Variants in SORCS3 observed in about 807,000 individuals in gnomAD.
SORCS3 encodes the protein VPS10 domain-containing receptor SorCS3.
Under a neutral mutation model 146.3 loss-of-function variants are expected in SORCS3, and 57 were observed. The observed-to-expected ratio is 0.39, with a 90% CI of 0.31 to 0.49. The LOEUF is 0.49. Among genes scored for constraint, SORCS3 ranks in the 20% least tolerant of loss-of-function variants. SORCS3 has a pLI of 0.92. For synonymous variants in SORCS3, 653 were observed against 618.5 expected (o/e 1.06, Z -0.83); for missense variants, 1,341 against 1,575.5 (o/e 0.85, Z 2.52).
At chr10:105,187,784 A>G (rs971955199) in intron 14 of SORCS3, among the ~76,000 whole-genome samples, 1 of 152,208 alleles carries the variant, frequency 6.6e-6, no homozygotes, top group African/African-American at 2.4e-5. Context: ...ATAGCTTACT[A>G]CAAGGCAGGC....
chr10:104,766,428 G>C (rs1437270271), intron 1 of SORCS3, among the ~76,000 whole-genome samples: 3 of 152,230 alleles, frequency 2.0e-5, no homozygotes, highest in Non-Finnish European at 2.9e-5. Flanking sequence ...CTCTGTCCAG[G>C]CACATTGCAT....
At chr10:104,680,497 A>AATTC (rs2015958459) in intron 1 of SORCS3, among the ~76,000 whole-genome samples, 1 of 152,228 alleles carries the variant, frequency 6.6e-6, no homozygotes, top group African/African-American at 2.4e-5. Context: ...GTGGACTCTG[A>AATTC]AGTCAGGCTG....
intron 13 of SORCS3, among the ~76,000 whole-genome samples, chr10:105,176,063 C>T (rs2056399391): frequency 6.6e-6 from 1 of 152,122 alleles, no homozygotes; most frequent in South Asian, 2.1e-4. Context: ...TCACACCCAA[C>T]TTATGAGTGC....
At chr10:104,903,639 A>G (rs934081164) in intron 2 of SORCS3, among the ~76,000 whole-genome samples, 7 of 152,214 alleles carry the variant, frequency 4.6e-5, no homozygotes, top group African/African-American at 1.7e-4. Context: ...AGCAGTTCTC[A>G]AAGTATGACT....
At chr10:105,153,634 A>AGTGTGTGT (rs1239631670) in intron 9 of SORCS3, among the ~76,000 whole-genome samples, 2 of 129,714 alleles carry the variant, frequency 1.5e-5, no homozygotes. Flanking sequence ...AGAGAGAGAG[A>AGTGTGTGT]GTGTGTGTGT....
intron 2 of SORCS3, among the ~76,000 whole-genome samples, chr10:104,901,070 C>T (rs956857624): frequency 5.9e-5 from 9 of 152,082 alleles, no homozygotes; most frequent in African/African-American, 2.2e-4. Context: ...TGAAGTCTTC[C>T]TTCCTTTACT....
At position 104,790,259 on chromosome 10, in the gene SORCS3, A is replaced by G. The variant is rs528697678; in HGVS notation, c.628-52533A>G. On this transcript the variant is annotated intron_variant, in intron 1 of 26. Transcript: ENST00000369701. ...GAAGCGCATTAACTTAGGGCAGACAAAAAGAAAGGAAGAACATTAACAAAC... is the reference window on the plus strand; with the variant it reads ...GAAGCGCATTAACTTAGGGCAGACAGAAAGAAAGGAAGAACATTAACAAAC... Among the ~76,000 whole-genome samples the G allele has an allele frequency of 9.4e-4, 143 of 152,364 alleles. 1 individual carries two copies. Among genetic ancestry groups the G allele is most frequent in the African/African-American group, 3.2e-3 (131 of 41,580 alleles).
intron 1 of SORCS3, among the ~76,000 whole-genome samples, chr10:104,673,446 G>GTA (rs1412462162): frequency 6.6e-6 from 1 of 151,452 alleles, no homozygotes; most frequent in Non-Finnish European, 1.5e-5. Flanking sequence ...GTGTGTGTGT[G>GTA]TATTTTTTGA....
At chr10:104,835,192 C>T (rs931292771) in intron 1 of SORCS3, among the ~76,000 whole-genome samples, 1 of 152,050 alleles carries the variant, frequency 6.6e-6, no homozygotes, top group African/African-American at 2.4e-5. Flanking sequence ...CTACTCCCTG[C>T]AGGGGAGGCT....
At chr10:104,914,062 C>T (rs1415247503) in intron 2 of SORCS3, among the ~76,000 whole-genome samples, 1 of 152,100 alleles carries the variant, frequency 6.6e-6, no homozygotes, top group African/African-American at 2.4e-5. Flanking sequence ...CGTCACCACA[C>T]CCGGAATCTT....
intron 5 of SORCS3, among the ~76,000 whole-genome samples, chr10:105,072,341 G>A (rs776192399): frequency 5.9e-5 from 9 of 152,080 alleles, no homozygotes; most frequent in Non-Finnish European, 1.0e-4. Context: ...ATGAAAAAGC[G>A]CCTATTAAGT....
chr10:104,974,870 A>C (rs916156548), intron 3 of SORCS3, among the ~76,000 whole-genome samples: 1 of 151,952 alleles, frequency 6.6e-6, no homozygotes, highest in African/African-American at 2.4e-5. Flanking sequence ...TTCCTTCAGG[A>C]GCTCTTTTAG....
At chr10:104,671,294 C>G (rs897971127) in intron 1 of SORCS3, among the ~76,000 whole-genome samples, 2 of 106,868 alleles carry the variant, frequency 1.9e-5, no homozygotes, top group Non-Finnish European at 4.0e-5. Context: ...TTATATGGCT[C>G]CTATTATGTT....
intron 1 of SORCS3, among the ~76,000 whole-genome samples, chr10:104,728,794 A>G (rs1404863410): frequency 6.6e-6 from 1 of 152,190 alleles, no homozygotes; most frequent in Non-Finnish European, 1.5e-5. Context: ...TCAGCAAATG[A>G]TGGTGGAAGT....
At chr10:104,951,954 A>G (rs1030619645) in intron 3 of SORCS3, among the ~76,000 whole-genome samples, 4 of 151,976 alleles carry the variant, frequency 2.6e-5, no homozygotes, top group African/African-American at 7.2e-5. Context: ...GAACCCACCA[A>G]TAGATACCAT....
intron 4 of SORCS3, among the ~76,000 whole-genome samples, chr10:105,000,457 T>TG (rs923461567): frequency 2.0e-5 from 3 of 152,038 alleles, no homozygotes; most frequent in African/African-American, 7.2e-5. Flanking sequence ...CCACCGGTGG[T>TG]GGTGGTAGTG....
chr10:105,055,020 A>T (rs1296923218), intron 5 of SORCS3, among the ~76,000 whole-genome samples: 6 of 152,218 alleles, frequency 3.9e-5, no homozygotes, highest in Non-Finnish European at 1.5e-5. Flanking sequence ...CTATACATTC[A>T]TTTGAAAATA....
At chr10:104,937,619 T>G (rs186224156) in intron 3 of SORCS3, among the ~76,000 whole-genome samples, 1 of 152,344 alleles carries the variant, frequency 6.6e-6, no homozygotes, top group Non-Finnish European at 1.5e-5. Flanking sequence ...ATGATACGTT[T>G]TCCTTCAGTC....
At chr10:105,080,702 T>G (rs1195485495) in intron 5 of SORCS3, among the ~76,000 whole-genome samples, 2 of 152,224 alleles carry the variant, frequency 1.3e-5, no homozygotes, top group African/African-American at 2.4e-5. Flanking sequence ...TTAATCCATC[T>G]TGAGTTGATT....
Sources: allele counts gnomAD v4.1 joint callset (sites outside exome capture counted in the v4.1 genomes callset), GRCh38; gene constraint gnomAD v4.1.1; transcripts MANE v1.5; gene names NCBI Gene and HGNC (gene_info 2026-07-23, HGNC 2026-07-21).